The following AGBL4 variants were observed in gnomAD, a reference collection of about 807,000 sequenced individuals.
AGBL4 encodes AGBL carboxypeptidase 4.
AGBL4 carries 58 observed loss-of-function variants against 66.4 expected under a neutral mutation model. The observed-to-expected ratio is 0.87, with a 90% confidence interval of 0.71 to 1.09. The LOEUF (loss-of-function observed/expected upper bound fraction) is 1.09. Ranked by LOEUF, AGBL4 falls within the 50% of genes least tolerant of loss-of-function variation. The probability of loss-of-function intolerance (pLI) is 0.00; values close to 1 mark genes in which losing one functional copy is unlikely to be tolerated. For missense variants in AGBL4, 579 were observed against 631.0 expected (o/e 0.92, Z 0.88); for synonymous variants, 234 against 222.9 (o/e 1.05, Z -0.44).
intron 4 of AGBL4, among the ~76,000 whole-genome samples, chr1:49,169,582 T>C (rs1646695281): frequency 6.6e-6 from 1 of 152,314 alleles, no homozygotes; most frequent in African/African-American, 2.4e-5. Context: ...CCACCACCTC[T>C]ATCGAGTTCT....
At chr1:48,765,567 A>C (rs1020579802) in intron 6 of AGBL4, among the ~76,000 whole-genome samples, 4 of 152,192 alleles carry the variant, frequency 2.6e-5, no homozygotes, top group African/African-American at 9.7e-5. Context: ...TCCTGGGTGT[A>C]TATGCAAGAT....
chr1:48,560,883 C>A lies in AGBL4; in HGVS notation c.1268-21145G>T, dbSNP rs1400009555. Among the ~76,000 whole-genome samples, 4 of 152,218 alleles carry A rather than the reference C, an allele frequency of 2.6e-5. 1 individual carries two copies. Among genetic ancestry groups the A allele is most frequent in the Non-Finnish European group, 1.5e-5 (1 of 68,032 alleles). ...GGGCCATCAAAGAGAGGTGTTGTAACAACTCTACATTGTGTAGCTCTCATT... is the reference window on the plus strand; with the variant it reads ...GGGCCATCAAAGAGAGGTGTTGTAAAAACTCTACATTGTGTAGCTCTCATT... On this transcript the variant is annotated intron_variant, in intron 11 of 13. Transcript: ENST00000371839.
chr1:48,730,817 T>C (rs1047926758), intron 6 of AGBL4, among the ~76,000 whole-genome samples: 1 of 152,152 alleles, frequency 6.6e-6, no homozygotes, highest in Admixed American at 6.5e-5. Flanking sequence ...ATTAAAAAAG[T>C]TATAAAAATT....
intron 9 of AGBL4, among the ~76,000 whole-genome samples, chr1:48,630,537 C>T (rs1007887451): frequency 1.3e-5 from 2 of 152,178 alleles, no homozygotes; most frequent in African/African-American, 2.4e-5. Flanking sequence ...GCCACAGTCA[C>T]CATGTCCCTT....
At chr1:49,792,926 T>C (rs1164329721) in intron 2 of AGBL4, among the ~76,000 whole-genome samples, 2 of 152,062 alleles carry the variant, frequency 1.3e-5, no homozygotes, top group Non-Finnish European at 2.9e-5. Context: ...ATTTCTTATT[T>C]GTTTAATGAG....
At chr1:49,977,601 T>C (rs545355899) in intron 1 of AGBL4, among the ~76,000 whole-genome samples, 7 of 152,368 alleles carry the variant, frequency 4.6e-5, no homozygotes, top group African/African-American at 1.7e-4. Context: ...TGTACAATAG[T>C]AAAATGTGTT....
intron 1 of AGBL4, among the ~76,000 whole-genome samples, chr1:49,877,497 C>A (rs1049049660): frequency 6.6e-6 from 1 of 150,630 alleles, no homozygotes; most frequent in African/African-American, 2.4e-5. Context: ...CCTTGCATCC[C>A]AGGGATGAAG....
At chr1:48,861,328 T>C (rs2148818520) in intron 6 of AGBL4, among the ~76,000 whole-genome samples, 1 of 152,256 alleles carries the variant, frequency 6.6e-6, no homozygotes, top group South Asian at 2.1e-4. Context: ...GAATAAAGGA[T>C]AAAAGCAATA....
At chr1:48,983,552 A>C (rs544759140) in intron 5 of AGBL4, among the ~76,000 whole-genome samples, 30 of 152,330 alleles carry the variant, frequency 2.0e-4, no homozygotes, top group South Asian at 4.1e-4. Flanking sequence ...AAAAAACCTT[A>C]TCCTAAGTAG....
intron 1 of AGBL4, among the ~76,000 whole-genome samples, chr1:49,854,086 A>G (rs1571720092): frequency 6.6e-6 from 1 of 152,062 alleles, no homozygotes; most frequent in Admixed American, 6.5e-5. Flanking sequence ...AAAAATAGCA[A>G]TGTATTGTCT....
At chr1:49,850,695 C>T (rs1646281906) in intron 2 of AGBL4, among the ~76,000 whole-genome samples, 1 of 152,082 alleles carries the variant, frequency 6.6e-6, no homozygotes, top group African/African-American at 2.4e-5. Context: ...CATACACATA[C>T]TTATGCACAC....
chr1:48,925,205 T>C (rs1162998068), intron 5 of AGBL4, among the ~76,000 whole-genome samples: 1 of 151,736 alleles, frequency 6.6e-6, no homozygotes, highest in African/African-American at 2.4e-5. Context: ...CATCCCTCAG[T>C]ATCCATGGGA....
chr1:49,112,856 C>T (rs1191623711), intron 4 of AGBL4, among the ~76,000 whole-genome samples: 1 of 152,194 alleles, frequency 6.6e-6, no homozygotes, highest in Non-Finnish European at 1.5e-5. Flanking sequence ...TCTTGAACCC[C>T]TCATAGCTAT....
intron 5 of AGBL4, among the ~76,000 whole-genome samples, chr1:48,906,322 T>C (rs978617085): frequency 6.6e-6 from 1 of 152,210 alleles, no homozygotes; most frequent in Non-Finnish European, 1.5e-5. Flanking sequence ...TGATTTTGAC[T>C]GTGTGCCAGG....
chr1:49,176,005 A>G (rs1646824074), intron 4 of AGBL4, among the ~76,000 whole-genome samples: 1 of 152,192 alleles, frequency 6.6e-6, no homozygotes, highest in Admixed American at 6.5e-5. Context: ...CCATACAATT[A>G]TATACAATAC....
Position 48,634,533 on chromosome 1 carries a change from T to C in AGBL4, c.911A>G (p.His304Arg), listed in dbSNP as rs1645638697. 1 of 1,606,556 alleles carries C rather than the reference T, an allele frequency of 6.2e-7. No individual in the cohort carries two copies. The change falls in exon 9 of 14, where the codon CAT becomes CGT. Residue 304 changes from histidine (H) to arginine (R), a missense_variant. By Grantham distance (29) the His-to-Arg change is conservative (BLOSUM62 0). Transcript: ENST00000371839. ...DPSPWVHPTLHGVKQLIVQMY... is the reference protein window; with the variant it reads ...DPSPWVHPTLRGVKQLIVQMY... ...CTGGACGATGAGTTGTTTCACTCCA[T>C]GCAGGGTAGGATGGACCCATGGAGA...
At chr1:48,716,826 G>A (rs1647059058) in intron 6 of AGBL4, among the ~76,000 whole-genome samples, 2 of 152,172 alleles carry the variant, frequency 1.3e-5, no homozygotes, top group South Asian at 4.1e-4. Flanking sequence ...CCTGAGCTTG[G>A]GCTGGGGTCA....
chr1:49,948,152 AT>A (rs1480230491), intron 1 of AGBL4, among the ~76,000 whole-genome samples: 1 of 103,928 alleles, frequency 9.6e-6, no homozygotes, highest in African/African-American at 4.1e-5. Context: ...ATATATATAA[AT>A]ATACGTAAAT....
At chr1:49,592,749 T>G (rs1417609896) in intron 3 of AGBL4, among the ~76,000 whole-genome samples, 1 of 152,138 alleles carries the variant, frequency 6.6e-6, no homozygotes, top group Non-Finnish European at 1.5e-5. Flanking sequence ...CAGATGCTGG[T>G]GAGGTTGTGG....
Sources: gnomAD v4.1 joint callset for allele counts (sites outside exome capture counted in the v4.1 genomes callset) on GRCh38, gnomAD v4.1.1 for gene constraint, MANE v1.5 for transcripts, NCBI Gene and HGNC (gene_info 2026-07-23, HGNC 2026-07-21) for gene names.